TBK1: variants seen among roughly 807,000 people sequenced by gnomAD.
TBK1 encodes TANK binding kinase 1, also known as serine/threonine-protein kinase TBK1.
TBK1 carries 37 observed loss-of-function variants against 99.9 expected under a neutral mutation model. The observed-to-expected ratio is 0.37, with a 90% CI of 0.28 to 0.49. TBK1 has a LOEUF of 0.49. Among genes scored for constraint, TBK1 ranks in the 20% least tolerant of loss-of-function variants. The probability of loss-of-function intolerance (pLI) is 0.98; values close to 1 mark genes in which losing one functional copy is unlikely to be tolerated. For synonymous variants in TBK1, 258 were observed against 279.8 expected (o/e 0.92, Z 0.78); for missense variants, 644 against 872.5 (o/e 0.74, Z 3.30).
rs750557227 is a variant in TBK1, at chr12:64,484,466, C to G, written c.1156C>G (p.Pro386Ala). The stretch of plus-strand genomic sequence containing the variant: ...CCCTATATTTGTAGTAAGCCGGGAA[C>G]CTCTGAATACCATAGGATTAATATA... ...ENPIFVVSREPLNTIGLIYEK... is the reference protein window; with the variant it reads ...ENPIFVVSREALNTIGLIYEK... The change falls in exon 9 of 21, where the codon CCT (proline) becomes GCT (alanine). Residue 386 changes from proline (P) to alanine (A), a missense_variant. By Grantham distance (27) the Pro-to-Ala change is conservative. Coordinates refer to ENST00000331710, the MANE Select transcript of TBK1 (RefSeq NM_013254.4). 3 of 1,612,522 alleles carry G rather than the reference C, an allele frequency of 1.9e-6. No individual in the cohort carries two copies. In the Admixed American group the frequency reaches 5.0e-5, roughly 27 times the overall value.
chr12:64,491,697 G>A (rs1378488342), intron 13 of TBK1, among the ~76,000 whole-genome samples: 1 of 151,956 alleles, frequency 6.6e-6, no homozygotes, highest in African/African-American at 2.4e-5. Flanking sequence ...TAAAATGGAT[G>A]TTAAATTAAA....
chr12:64,484,641 G>A, intron 9 of TBK1, 142 bp downstream of exon 9: 1 of 730,012 alleles, frequency 1.4e-6, no homozygotes. Context: ...AGTCCCAGCT[G>A]CATGGGAGGC....
intron 5 of TBK1, among the ~76,000 whole-genome samples, chr12:64,472,524 A>T (rs2040672819): frequency 6.6e-6 from 1 of 152,230 alleles, no homozygotes; most frequent in Non-Finnish European, 1.5e-5. Context: ...TCATGAAGGC[A>T]GATGGCAGGA....
intron 11 of TBK1, among the ~76,000 whole-genome samples, chr12:64,488,114 G>A (rs1043845095): frequency 6.6e-6 from 1 of 152,182 alleles, no homozygotes; most frequent in Non-Finnish European, 1.5e-5. Flanking sequence ...TATTCAACCT[G>A]TAATTGGTTT....
At chr12:64,499,189 G>A (rs952352188) in intron 20 of TBK1, among the ~76,000 whole-genome samples, 3 of 150,384 alleles carry the variant, frequency 2.0e-5, no homozygotes, top group African/African-American at 4.9e-5. Context: ...GATTACAGGC[G>A]CCCACCACCA....
chr12:64,457,555 C>T (rs989601767), intron 2 of TBK1, among the ~76,000 whole-genome samples: 1 of 152,142 alleles, frequency 6.6e-6, no homozygotes, highest in Non-Finnish European at 1.5e-5. Context: ...ATTACTATAG[C>T]TAATGTGCGG....
rs748879067 is a variant in TBK1, at chr12:64,474,266, G to A, written c.577G>A (p.Asp193Asn). ...DMYERAVLRKDHQKKYGATVD... is the reference protein window; with the variant it reads ...DMYERAVLRKNHQKKYGATVD... ...GTATGAGAGAGCAGTGCTAAGAAAAGATCATCAGAAGAAATATGGAGCAAC... is the reference window on the plus strand; with the variant it reads ...GTATGAGAGAGCAGTGCTAAGAAAAAATCATCAGAAGAAATATGGAGCAAC... Residue 193 changes from aspartate (D) to asparagine (N), a missense_variant, in exon 6 of 21, where the codon GAT becomes AAT. Physicochemically the swap from Asp to Asn is conservative, Grantham distance 23 (BLOSUM62 1). Transcript: ENST00000331710. 1 of 1,613,780 alleles carries A rather than the reference G, an allele frequency of 6.2e-7. No individual in the cohort carries two copies. Among genetic ancestry groups the A allele is most frequent in the South Asian group, 1.1e-5 (1 of 91,058 alleles).
At chr12:64,463,333 T>C (rs2040568477) in intron 3 of TBK1, among the ~76,000 whole-genome samples, 1 of 150,438 alleles carries the variant, frequency 6.6e-6, no homozygotes, top group Non-Finnish European at 1.5e-5. Flanking sequence ...TGAGCCGAGA[T>C]CGCGCCACTG....
chr12:64,477,326 A>C (rs527817205), intron 6 of TBK1, among the ~76,000 whole-genome samples: 5 of 152,258 alleles, frequency 3.3e-5, no homozygotes, highest in African/African-American at 9.6e-5. Flanking sequence ...TTGTTGTGTC[A>C]TTTATGATTT....
At chr12:64,453,313 A>G (rs1241072829) in intron 1 of TBK1, among the ~76,000 whole-genome samples, 2 of 152,208 alleles carry the variant, frequency 1.3e-5, no homozygotes, top group Non-Finnish European at 2.9e-5. Context: ...CTGAAGGTAC[A>G]TACATATAGG....
chr12:64,467,179 T>A, intron 5 of TBK1, 97 bp downstream of exon 5: 1 of 988,152 alleles, frequency 1.0e-6, no homozygotes. Flanking sequence ...AAAATGTCAT[T>A]TTTATGACAA....
chr12:64,469,436 G>T (rs2040639705), intron 5 of TBK1, among the ~76,000 whole-genome samples: 1 of 151,810 alleles, frequency 6.6e-6, no homozygotes. Context: ...TCTCTTCCTG[G>T]GCCTCAACAT....
intron 1 of TBK1, 60 bp from the exon 2 acceptor site, chr12:64,455,780 T>C: frequency 1.2e-6 from 1 of 831,696 alleles, no homozygotes; most frequent in Middle Eastern, 2.4e-4. Context: ...ACAGCTAACA[T>C]TTGTTTCTTA....
chr12:64,494,996 A>G (rs2040910657), intron 13 of TBK1, among the ~76,000 whole-genome samples: 1 of 152,242 alleles, frequency 6.6e-6, no homozygotes, highest in Admixed American at 6.5e-5. Context: ...TAAACTTACT[A>G]AGCTTAAAAT....
At chr12:64,480,880 G>A (rs2040761880) in intron 7 of TBK1, among the ~76,000 whole-genome samples, 2 of 151,898 alleles carry the variant, frequency 1.3e-5, no homozygotes, top group Admixed American at 6.6e-5. Context: ...TTTAAGTTGT[G>A]GGTGCTTTTT....
At chr12:64,499,462 A>C (rs1565825557) in intron 20 of TBK1, among the ~76,000 whole-genome samples, 1 of 152,138 alleles carries the variant, frequency 6.6e-6, no homozygotes, top group Non-Finnish European at 1.5e-5. Context: ...GTAAAAACCG[A>C]GATCTTATTT....
chr12:64,463,309 G>A (rs2040568302), intron 3 of TBK1, among the ~76,000 whole-genome samples: 1 of 151,962 alleles, frequency 6.6e-6, no homozygotes, highest in Non-Finnish European at 1.5e-5. Context: ...AACCCTGGGA[G>A]GCAGAGCTTC....
Position 64,485,993 on chromosome 12 carries a change from T to C in TBK1, c.1316T>C (p.Met439Thr). 1 of 1,591,806 alleles carries C rather than the reference T, an allele frequency of 6.3e-7. No individual in the cohort carries two copies. Among genetic ancestry groups the C allele is most frequent in the Non-Finnish European group, 8.5e-7 (1 of 1,169,970 alleles). Residue 439 changes from methionine (M) to threonine (T), a missense_variant, in exon 11 of 21, where the codon ATG becomes ACG. Around this residue, in one of 3 missense-constraint regions of TBK1, gnomAD observed 465 missense variants for 588.0 expected, o/e 0.79. Transcript: ENST00000331710. ...ASTLLLYQEL[M>T]RKGIRWLIEL... ...ACCTTACTGCTTTATCAGGAATTAA[T>C]GCGAAAGGGGATACGATGGCTGATG...
chr12:64,472,927 C>T (rs1306278398), intron 5 of TBK1, among the ~76,000 whole-genome samples: 8 of 152,096 alleles, frequency 5.3e-5, no homozygotes, highest in South Asian at 2.1e-4. Context: ...TGTGTAAGGA[C>T]GTGTGTTTAA....
Sources: gnomAD v4.1 joint callset for allele counts (sites outside exome capture counted in the v4.1 genomes callset) on GRCh38, gnomAD v4.1.1 for gene constraint, gnomAD v4.1.1 regional missense constraint, MANE v1.5 for transcripts, NCBI Gene and HGNC (gene_info 2026-07-23, HGNC 2026-07-21) for gene names.